NELL1: variants seen among roughly 807,000 people sequenced by gnomAD.
The protein encoded by NELL1 is neural EGFL like 1, also known as protein kinase C-binding protein NELL1.
NELL1 carries 76 observed loss-of-function variants against 107.4 expected under a neutral mutation model. The ratio of observed to expected loss-of-function variants is 0.71; its 90% CI spans 0.59 to 0.86. The LOEUF (loss-of-function observed/expected upper bound fraction) is 0.86, where lower values mean the gene tolerates loss of function less well. NELL1 is among the 40% of genes least tolerant of loss of function. NELL1 has a pLI of 0.00. For synonymous variants in NELL1, 353 were observed against 341.2 expected, an observed-to-expected ratio of 1.03 and a Z score of -0.38; for missense variants, 1,024 against 1,005.5, an observed-to-expected ratio of 1.02 and a Z score of -0.25.
chr11:20,991,990 G>GAAAA (rs769434874), intron 12 of NELL1, among the ~76,000 whole-genome samples: 2 of 66,230 alleles, frequency 3.0e-5, no homozygotes, highest in African/African-American at 7.2e-5. Context: ...AGTGTAGCAT[G>GAAAA]CAAAAAAAAA....
chr11:21,289,784 T>C (rs1205225671), intron 14 of NELL1, among the ~76,000 whole-genome samples: 1 of 152,114 alleles, frequency 6.6e-6, no homozygotes, highest in Non-Finnish European at 1.5e-5. Context: ...GAAGTCAACC[T>C]GGAATGCTTG....
At chr11:20,829,385 C>G (rs1407882399) in intron 3 of NELL1, among the ~76,000 whole-genome samples, 1 of 152,080 alleles carries the variant, frequency 6.6e-6, no homozygotes, top group Non-Finnish European at 1.5e-5. Flanking sequence ...CGCCACCACA[C>G]CTGGCTAATT....
At chr11:21,199,957 C>T (rs1183362463) in intron 13 of NELL1, among the ~76,000 whole-genome samples, 1 of 152,114 alleles carries the variant, frequency 6.6e-6, no homozygotes. Context: ...TCATCCATGT[C>T]CCTGCAAATG....
chr11:21,390,363 C>T (rs1467550292), intron 15 of NELL1, among the ~76,000 whole-genome samples: 1 of 136,174 alleles, frequency 7.3e-6, no homozygotes, highest in Non-Finnish European at 1.6e-5. Flanking sequence ...TCTATAATAA[C>T]AATGATAATA....
chr11:21,014,180 A>G (rs1422026855), intron 12 of NELL1, among the ~76,000 whole-genome samples: 1 of 152,114 alleles, frequency 6.6e-6, no homozygotes, highest in Non-Finnish European at 1.5e-5. Flanking sequence ...TTGATGTAAT[A>G]GGCAACTGGG....
chr11:21,397,593 A>G (rs532521211), intron 15 of NELL1, among the ~76,000 whole-genome samples: 1 of 151,794 alleles, frequency 6.6e-6, no homozygotes, highest in South Asian at 2.1e-4. Context: ...ACATGTATCT[A>G]TATTAAATAT....
chr11:21,420,758 C>T (rs1192406317), intron 15 of NELL1, among the ~76,000 whole-genome samples: 2 of 152,028 alleles, frequency 1.3e-5, no homozygotes, highest in Non-Finnish European at 2.9e-5. Context: ...CCAGACACAA[C>T]AAAAAGCAGG....
At chr11:21,305,786 C>T (rs1308795034) in intron 14 of NELL1, among the ~76,000 whole-genome samples, 1 of 151,872 alleles carries the variant, frequency 6.6e-6, no homozygotes, top group Non-Finnish European at 1.5e-5. Flanking sequence ...AAAATAGCTG[C>T]ATATTATTCT....
At chr11:21,391,588 C>T (rs1186215505) in intron 15 of NELL1, among the ~76,000 whole-genome samples, 1 of 151,384 alleles carries the variant, frequency 6.6e-6, no homozygotes, top group African/African-American at 2.4e-5. Flanking sequence ...GACATTTCAT[C>T]AACATTATCT....
At chr11:20,829,924 C>G (rs1857970704) in intron 3 of NELL1, among the ~76,000 whole-genome samples, 1 of 152,008 alleles carries the variant, frequency 6.6e-6, no homozygotes, top group Non-Finnish European at 1.5e-5. Context: ...TGGAGCCTGC[C>G]AGGATTCTTC....
chr11:21,307,419 A>G (rs1029993177), intron 14 of NELL1, among the ~76,000 whole-genome samples: 6 of 151,750 alleles, frequency 4.0e-5, no homozygotes, highest in African/African-American at 1.5e-4. Flanking sequence ...AAAAAGGGCA[A>G]TTTCTTCTTT....
chr11:21,560,934 T>C (rs1012162746), intron 17 of NELL1, among the ~76,000 whole-genome samples: 1 of 152,092 alleles, frequency 6.6e-6, no homozygotes, highest in Non-Finnish European at 1.5e-5. Flanking sequence ...CCATTCCTTA[T>C]ATTAAGTTGT....
chr11:20,734,171 G>A (rs903612434), intron 2 of NELL1, among the ~76,000 whole-genome samples: 1 of 152,120 alleles, frequency 6.6e-6, no homozygotes, highest in Non-Finnish European at 1.5e-5. Context: ...AAATGTAGAA[G>A]ATCATGGTGA....
At chr11:21,270,528 A>T (rs146992061) in intron 14 of NELL1, among the ~76,000 whole-genome samples, 3 of 152,176 alleles carry the variant, frequency 2.0e-5, no homozygotes, top group Non-Finnish European at 4.4e-5. Flanking sequence ...CTCAAAATAC[A>T]TGAGTAAAAA....
chr11:21,091,435 T>C (rs1854518390), intron 12 of NELL1, among the ~76,000 whole-genome samples: 1 of 152,200 alleles, frequency 6.6e-6, no homozygotes, highest in South Asian at 2.1e-4. Flanking sequence ...TGGATGATAA[T>C]CTGAAAATTC....
At chr11:20,921,985 G>T (rs900677742) in intron 7 of NELL1, among the ~76,000 whole-genome samples, 1 of 152,028 alleles carries the variant, frequency 6.6e-6, no homozygotes, top group Non-Finnish European at 1.5e-5. Flanking sequence ...GATTCTTTAA[G>T]GATTTTCAAG....
In NELL1 at chr11:21,575,349, A is replaced by G; in HGVS notation, c.*327A>G. ...ATGATCTCATGGTAAATGTTGATGT[A>G]TTTTTTGGTTTATTTTGTGTACTAA... On this transcript the variant is annotated 3_prime_UTR_variant, in exon 20 of 20. Coordinates refer to ENST00000357134, the MANE Select transcript of NELL1 (RefSeq NM_006157.5). 4.3e-6 allele frequency: 1 copy of G among 233,704 alleles called. No individual in the cohort carries two copies. The highest frequency in any genetic ancestry group is 8.5e-6 in the Non-Finnish European group (1 of 118,048). The allele number at this position is 233,704 out of a possible 1,614,324, so 14.5% of individuals were successfully genotyped here. A position where few individuals can be genotyped will look rare whatever the true frequency, so the allele number is the denominator to read the frequency against.
At chr11:21,239,015 A>T (rs1590762083) in intron 14 of NELL1, among the ~76,000 whole-genome samples, 1 of 152,108 alleles carries the variant, frequency 6.6e-6, no homozygotes, top group Non-Finnish European at 1.5e-5. Flanking sequence ...ACGTGACTGT[A>T]AAAATTAAAT....
intron 13 of NELL1, among the ~76,000 whole-genome samples, chr11:21,224,368 C>T (rs1209133423): frequency 6.6e-6 from 1 of 151,314 alleles, no homozygotes; most frequent in African/African-American, 2.4e-5. Flanking sequence ...AAGTTATGAC[C>T]ACAGTTGTAT....
Sources: gnomAD v4.1 joint callset for allele counts (sites outside exome capture counted in the v4.1 genomes callset) on GRCh38, gnomAD v4.1.1 for gene constraint, MANE v1.5 for transcripts, NCBI Gene and HGNC (gene_info 2026-07-23, HGNC 2026-07-21) for gene names.